ARB2A: variants seen among roughly 807,000 people sequenced by gnomAD.
ARB2A encodes ARB2 cotranscriptional regulator A.
chr5:93,905,962 A>G, the ARB2A span, among the ~76,000 whole-genome samples: 12 of 151,534 alleles, frequency 7.9e-5, no homozygotes, highest in Non-Finnish European at 1.8e-4. Flanking sequence ...CCTTAATGCT[A>G]CTTCAGTCAC....
chr5:93,832,064 T>C, the ARB2A span, among the ~76,000 whole-genome samples: 8 of 152,234 alleles, frequency 5.3e-5, no homozygotes, highest in Non-Finnish European at 7.4e-5. Flanking sequence ...TTGATATCCA[T>C]TGACTAAAAA....
chr5:93,829,433 T>C, the ARB2A span, among the ~76,000 whole-genome samples: 3 of 152,324 alleles, frequency 2.0e-5, no homozygotes, highest in African/African-American at 7.2e-5. Context: ...TATCATTTCC[T>C]CTGGAAAGTC....
the ARB2A span, among the ~76,000 whole-genome samples, chr5:93,997,469 A>G: frequency 6.6e-6 from 1 of 152,054 alleles, no homozygotes; most frequent in African/African-American, 2.4e-5. Context: ...GATCCTAAGC[A>G]AAGATAGAAG....
the ARB2A span, among the ~76,000 whole-genome samples, chr5:93,993,533 A>G: frequency 2.0e-5 from 3 of 152,164 alleles, no homozygotes; most frequent in African/African-American, 4.8e-5. Flanking sequence ...CCACTATAAA[A>G]TCTTTTGCTC....
the ARB2A span, among the ~76,000 whole-genome samples, chr5:93,996,067 G>C: frequency 9.2e-5 from 14 of 151,810 alleles, no homozygotes; most frequent in Admixed American, 9.2e-4. Flanking sequence ...TTGACTATAG[G>C]AACATTTTTT....
the ARB2A span, among the ~76,000 whole-genome samples, chr5:93,883,924 T>TACACACACACACACACACACACACACAC: frequency 7.5e-6 from 1 of 133,980 alleles, no homozygotes; most frequent in Admixed American, 7.5e-5. Flanking sequence ...CACATACACA[T>TACACACACACACACACACACACACACAC]ACACACACAC....
At chr5:94,025,597 C>T in the ARB2A span, among the ~76,000 whole-genome samples, 379 of 152,042 alleles carry the variant, frequency 2.5e-3, 11 homozygotes, top group East Asian at 0.056. Flanking sequence ...AAGACCTAAG[C>T]GAAACCAATA....
At chr5:93,824,279 A>T in the ARB2A span, 4 of 1,555,316 alleles carry the variant, frequency 2.6e-6, no homozygotes, top group Non-Finnish European at 3.5e-6. Context: ...TATAAGGGAA[A>T]CAAATGTCAT....
chr5:93,744,039 T>C, the ARB2A span, among the ~76,000 whole-genome samples: 1 of 152,114 alleles, frequency 6.6e-6, no homozygotes, highest in Non-Finnish European at 1.5e-5. Context: ...TGAATGAAAA[T>C]ATTTTTAATG....
the ARB2A span, among the ~76,000 whole-genome samples, chr5:93,953,567 C>T: frequency 6.6e-6 from 1 of 152,136 alleles, no homozygotes; most frequent in Non-Finnish European, 1.5e-5. Context: ...CCTGTGGCTG[C>T]CACCAGTGGC....
At chr5:93,977,938 C>T in the ARB2A span, among the ~76,000 whole-genome samples, 2 of 152,044 alleles carry the variant, frequency 1.3e-5, no homozygotes, top group Non-Finnish European at 2.9e-5. Context: ...CAAATAACCT[C>T]ATCAAAAAGT....
chr5:94,089,879 A>G, the ARB2A span, among the ~76,000 whole-genome samples: 1 of 152,314 alleles, frequency 6.6e-6, no homozygotes, highest in South Asian at 2.1e-4. Context: ...TTCCAAACAT[A>G]GCAAAATCCA....
chr5:93,772,987 G>C, the ARB2A span, among the ~76,000 whole-genome samples: 11 of 152,350 alleles, frequency 7.2e-5, no homozygotes, highest in South Asian at 8.3e-4. Flanking sequence ...ACAACACCTT[G>C]TGTGGCTGGA....
At chr5:93,768,577 A>G in the ARB2A span, among the ~76,000 whole-genome samples, 1 of 150,116 alleles carries the variant, frequency 6.7e-6, no homozygotes, top group Non-Finnish European at 1.5e-5. Context: ...CATATATACT[A>G]TGTGTGTGTG....
At chr5:94,024,646 A>G in the ARB2A span, among the ~76,000 whole-genome samples, 1 of 152,182 alleles carries the variant, frequency 6.6e-6, no homozygotes, top group Non-Finnish European at 1.5e-5. Context: ...ATGCTACAAA[A>G]GAATAAAAGA....
At chr5:93,720,191 T>TA in the ARB2A span, among the ~76,000 whole-genome samples, 1 of 152,236 alleles carries the variant, frequency 6.6e-6, no homozygotes, top group East Asian at 1.9e-4. Context: ...AAAGACGCTT[T>TA]ATTCTAATCT....
At chr5:93,856,663 T>C in the ARB2A span, among the ~76,000 whole-genome samples, 1 of 152,180 alleles carries the variant, frequency 6.6e-6, no homozygotes, top group Non-Finnish European at 1.5e-5. Context: ...CTGTATTGGT[T>C]ATTCTAGTTA....
chr5:94,014,731 C>T, the ARB2A span, among the ~76,000 whole-genome samples: 8 of 150,984 alleles, frequency 5.3e-5, no homozygotes, highest in South Asian at 1.1e-3. Context: ...AATCTTGGAA[C>T]GGAGAAATAC....
chr5:93,974,771 C>A, the ARB2A span, among the ~76,000 whole-genome samples: 1 of 152,018 alleles, frequency 6.6e-6, no homozygotes, highest in African/African-American at 2.4e-5. Flanking sequence ...ATGAATCATA[C>A]GAAACATCTT....
Sources: gnomAD v4.1 joint callset for allele counts (sites outside exome capture counted in the v4.1 genomes callset) on GRCh38, gnomAD v4.1.1 for gene constraint, MANE v1.5 for transcripts, NCBI Gene and HGNC (gene_info 2026-07-23, HGNC 2026-07-21) for gene names.